LCLAT1: variants seen among roughly 807,000 people sequenced by gnomAD.
The protein encoded by LCLAT1 is 1-AGP acyltransferase 8.
LCLAT1 carries 11 observed loss-of-function variants against 30.7 expected under a neutral mutation model. The ratio of observed to expected loss-of-function variants is 0.36; its 90% confidence interval spans 0.23 to 0.59. The LOEUF (loss-of-function observed/expected upper bound fraction) is 0.59. LCLAT1 is among the 20% of genes least tolerant of loss of function. The pLI, the probability that LCLAT1 is intolerant of heterozygous loss-of-function variation, is 0.77. For missense variants in LCLAT1, 402 were observed against 458.6 expected, an observed-to-expected ratio of 0.88 and a Z score of 1.13; for synonymous variants, 155 against 151.3, an observed-to-expected ratio of 1.02 and a Z score of -0.18.
intron 1 of LCLAT1, among the ~76,000 whole-genome samples, chr2:30,464,629 T>TTA: frequency 6.6e-6 from 1 of 152,282 alleles, no homozygotes; most frequent in African/African-American, 2.4e-5. Context: ...TGAGCAGAAT[T>TTA]TAACTCATAC....
At chr2:30,508,626 C>G (rs1465191942) in intron 1 of LCLAT1, among the ~76,000 whole-genome samples, 1 of 152,044 alleles carries the variant, frequency 6.6e-6, no homozygotes, top group Non-Finnish European at 1.5e-5. Flanking sequence ...TGTTTTTGTA[C>G]CAGTACCATG....
At chr2:30,510,680 A>G (rs1432646501) in intron 1 of LCLAT1, among the ~76,000 whole-genome samples, 3 of 152,056 alleles carry the variant, frequency 2.0e-5, no homozygotes, top group Non-Finnish European at 2.9e-5. Context: ...CCAATTTCTC[A>G]CAACTCTTTT....
intron 1 of LCLAT1, among the ~76,000 whole-genome samples, chr2:30,466,615 C>G (rs2148283412): frequency 6.6e-6 from 1 of 152,008 alleles, no homozygotes; most frequent in South Asian, 2.1e-4. Context: ...TATATTTTTT[C>G]TAAATATTCT....
chr2:30,557,787 T>A (rs1288169094), intron 3 of LCLAT1, among the ~76,000 whole-genome samples: 1 of 152,196 alleles, frequency 6.6e-6, no homozygotes, highest in Non-Finnish European at 1.5e-5. Context: ...GAAGTGGTGA[T>A]AAAGGAGTAT....
chr2:30,593,922 C>CAA (rs35889899), intron 5 of LCLAT1, among the ~76,000 whole-genome samples: 3,996 of 134,668 alleles, frequency 0.03, 88 homozygotes, highest in Middle Eastern at 0.036. Context: ...GATCCTGTCT[C>CAA]AAAAAAAAAA....
At chr2:30,489,419 C>A (rs984167948) in intron 1 of LCLAT1, among the ~76,000 whole-genome samples, 2 of 151,688 alleles carry the variant, frequency 1.3e-5, no homozygotes, top group African/African-American at 4.8e-5. Flanking sequence ...GTGGCGCGAT[C>A]TCGGCTCACT....
chr2:30,640,033 C>G, intron 5 of LCLAT1, 84 bp from the exon 6 acceptor site: 1 of 1,133,726 alleles, frequency 8.8e-7, no homozygotes, highest in South Asian at 1.5e-5. Context: ...TTTTCGGTTT[C>G]TGGTGCTGCC....
chr2:30,568,107 C>G lies in LCLAT1; in HGVS notation c.559C>G (p.Gln187Glu), dbSNP rs141543989. ...TGCATTTGCTGAAAAAAATGGACTT[C>G]AGAAATATGAATATGTTTTACATCC... ...SNAFAEKNGL[Q>E]KYEYVLHPRT... is the part of the protein sequence containing the mutation. The change falls in exon 5 of 6, where the codon CAG becomes GAG. Residue 187 changes from glutamine (Q) to glutamate (E), a missense_variant. Transcript: ENST00000379509. 1 of 1,608,926 alleles carries G rather than the reference C, an allele frequency of 6.2e-7. No homozygotes were observed. The highest frequency in any genetic ancestry group is 1.3e-5 in the African/African-American group (1 of 74,692).
intron 4 of LCLAT1, among the ~76,000 whole-genome samples, chr2:30,567,476 C>A (rs902537862): frequency 4.6e-5 from 7 of 152,048 alleles, no homozygotes; most frequent in African/African-American, 1.7e-4. Flanking sequence ...TGCTTATCTA[C>A]TATATGCTTG....
At chr2:30,631,041 A>C (rs942973016) in intron 5 of LCLAT1, among the ~76,000 whole-genome samples, 5 of 152,216 alleles carry the variant, frequency 3.3e-5, no homozygotes, top group African/African-American at 1.2e-4. Flanking sequence ...TACTTTAACT[A>C]CTTATAGCCA....
intron 3 of LCLAT1, among the ~76,000 whole-genome samples, chr2:30,540,853 C>G (rs1169585739): frequency 6.6e-6 from 1 of 151,660 alleles, no homozygotes; most frequent in Non-Finnish European, 1.5e-5. Context: ...TAAGTAGAGA[C>G]AGGGTTTAAC....
intron 3 of LCLAT1, among the ~76,000 whole-genome samples, chr2:30,541,348 C>T (rs1338227845): frequency 6.6e-6 from 1 of 151,976 alleles, no homozygotes; most frequent in Admixed American, 6.6e-5. Context: ...GCTATGATTG[C>T]ACCACTGCAC....
intron 5 of LCLAT1, among the ~76,000 whole-genome samples, chr2:30,611,797 G>A (rs1198648280): frequency 6.6e-6 from 1 of 152,178 alleles, no homozygotes; most frequent in Non-Finnish European, 1.5e-5. Context: ...GAACTAATAG[G>A]AGGAGGATGA....
Sources: gnomAD v4.1 joint callset for allele counts (sites outside exome capture counted in the v4.1 genomes callset) on GRCh38, gnomAD v4.1.1 for gene constraint, MANE v1.5 for transcripts, NCBI Gene and HGNC (gene_info 2026-07-23, HGNC 2026-07-21) for gene names.